CPS1: variants seen among roughly 807,000 people sequenced by gnomAD.
CPS1 encodes the protein carbamoyl-phosphate synthase 1.
A neutral mutation model predicts 174.6 loss-of-function variants in CPS1; 109 were observed. That is an observed-to-expected ratio of 0.62 (90% confidence interval 0.53 to 0.73). CPS1 has a LOEUF of 0.73. Among genes scored for constraint, CPS1 ranks in the 30% least tolerant of loss-of-function variants. The pLI is 0.00. For synonymous variants in CPS1, 637 were observed against 632.0 expected (o/e 1.01, Z -0.12); for missense variants, 1,689 against 1,821.9 (o/e 0.93, Z 1.33).
chr2:210,505,767 A>T (rs576450269), intron 1 of CPS1, among the ~76,000 whole-genome samples: 1 of 152,214 alleles, frequency 6.6e-6, no homozygotes, highest in Non-Finnish European at 1.5e-5. Flanking sequence ...GAAGGGTCCT[A>T]TGCCCACGGA....
chr2:210,669,634 G>A (rs1481832154), intron 34 of CPS1, among the ~76,000 whole-genome samples: 2 of 152,134 alleles, frequency 1.3e-5, no homozygotes, highest in East Asian at 1.9e-4. Context: ...CCAGAAGGAC[G>A]ACGGTGAATA....
chr2:210,662,018 C>T (rs1574656137), intron 32 of CPS1, among the ~76,000 whole-genome samples: 1 of 150,924 alleles, frequency 6.6e-6, no homozygotes, highest in East Asian at 2.0e-4. Context: ...CAATTCTCCC[C>T]CTCAGCCCCC....
chr2:210,500,650 C>T (rs1695114716), intron 1 of CPS1, among the ~76,000 whole-genome samples: 1 of 152,218 alleles, frequency 6.6e-6, no homozygotes, highest in Admixed American at 6.5e-5. Context: ...AGGAAGGCTC[C>T]CACATCCTTG....
rs764211867 is a variant in CPS1 at position 210,668,273 on chromosome 2, A to G, written c.4090A>G (p.Ile1364Val). Residue 1364 changes from isoleucine (I) to valine (V), a missense_variant, in exon 34 of 38, where the codon ATA (isoleucine) becomes GTA (valine). Coordinates refer to ENST00000233072, the MANE Select transcript of CPS1 (RefSeq NM_001875.5). ...GFKIPQKGIL[I>V]GIQQSFRPRF... ...TAAGATACCCCAGAAAGGCATCCTGATAGGCATCCAGGTAAGTGGTTTGTG... is the reference window on the plus strand; with the variant it reads ...TAAGATACCCCAGAAAGGCATCCTGGTAGGCATCCAGGTAAGTGGTTTGTG... 1.9e-6 allele frequency: 3 copies of G among 1,612,586 alleles called. No individual in the cohort carries two copies. The highest frequency in any genetic ancestry group is 2.2e-5 in the East Asian group (1 of 44,872).
chr2:210,652,616 A>G (rs1303242912), intron 28 of CPS1, among the ~76,000 whole-genome samples: 1 of 152,180 alleles, frequency 6.6e-6, no homozygotes, highest in Non-Finnish European at 1.5e-5. Flanking sequence ...AACACTGAGG[A>G]AGGAGAAAAG....
At chr2:210,554,143 A>G (rs6716485), upstream of CPS1, among the ~76,000 whole-genome samples, 3 of 133,104 alleles carry the variant, frequency 2.3e-5, no homozygotes, top group African/African-American at 5.2e-5. Context: ...ACATATATAT[A>G]TGTATATATA....
At chr2:210,609,657 A>G (rs1375482145) in intron 19 of CPS1, among the ~76,000 whole-genome samples, 1 of 151,824 alleles carries the variant, frequency 6.6e-6, no homozygotes, top group Non-Finnish European at 1.5e-5. Flanking sequence ...TCTCATCTCT[A>G]TTTCTGTTGT....
intron 1 of CPS1, among the ~76,000 whole-genome samples, chr2:210,498,525 A>G (rs1695061907): frequency 6.6e-6 from 1 of 152,136 alleles, no homozygotes; most frequent in Non-Finnish European, 1.5e-5. Context: ...AATCTTTACA[A>G]AGTTATTTAT....
chr2:210,516,094 A>C (rs751531846), intron 1 of CPS1, among the ~76,000 whole-genome samples: 1 of 151,786 alleles, frequency 6.6e-6, no homozygotes, highest in Non-Finnish European at 1.5e-5. Flanking sequence ...ATTTATTGAA[A>C]TTCAATAAAT....
intron 1 of CPS1, among the ~76,000 whole-genome samples, chr2:210,529,490 G>T (rs891474695): frequency 2.0e-5 from 3 of 151,922 alleles, no homozygotes; most frequent in Non-Finnish European, 4.4e-5. Flanking sequence ...ACCTTCTCTT[G>T]GTTGTTGGAC....
intron 33 of CPS1, among the ~76,000 whole-genome samples, chr2:210,664,038 TGAG>T (rs1701009920): frequency 6.6e-6 from 1 of 152,182 alleles, no homozygotes; most frequent in Non-Finnish European, 1.5e-5. Context: ...AGATCTGTGA[TGAG>T]AAGCCAAGTG....
intron 1 of CPS1, among the ~76,000 whole-genome samples, chr2:210,516,596 G>A (rs1052367275): frequency 6.6e-6 from 1 of 151,868 alleles, no homozygotes; most frequent in Non-Finnish European, 1.5e-5. Flanking sequence ...CAGTAGTTCT[G>A]TAGAGCCTTT....
chr2:210,651,661 C>T (rs571732767), intron 28 of CPS1, among the ~76,000 whole-genome samples: 2 of 152,064 alleles, frequency 1.3e-5, no homozygotes, highest in East Asian at 1.9e-4. Context: ...TTTCCTTTAG[C>T]GTATGGATAG....
intron 29 of CPS1, among the ~76,000 whole-genome samples, chr2:210,656,043 C>T (rs533807709): frequency 2.6e-5 from 4 of 152,112 alleles, no homozygotes; most frequent in African/African-American, 7.2e-5. Context: ...TTTTTCCTTT[C>T]GACTCCTTCC....
intron 21 of CPS1, among the ~76,000 whole-genome samples, chr2:210,630,129 G>T (rs1699824003): frequency 6.6e-6 from 1 of 150,916 alleles, no homozygotes; most frequent in Non-Finnish European, 1.5e-5. Context: ...AACAAAATGT[G>T]GTTTATTATG....
At position 210,639,955 on chromosome 2, in the gene CPS1, C is replaced by A. The variant is rs183756215; in HGVS notation, c.2896-41C>A. ...CTAGTTTAATTAAATGGAATAATAA[C>A]ACTTAATGATTTCTGCATCTTCCTT... On this transcript the variant is annotated intron_variant, in intron 23 of 37. Transcript: ENST00000233072. 55 of 1,371,638 alleles carry A rather than the reference C, an allele frequency of 4.0e-5. No individual in the cohort carries two copies. The African/African-American group carries it at 5.0e-4, about 12-fold the overall frequency. The allele number at this position is 1,371,638 out of a possible 1,614,324, so 85.0% of individuals were successfully genotyped here.
At chr2:210,616,322 C>G (rs765853863) in intron 20 of CPS1, 101 bp from the exon 21 acceptor site, 17 of 810,850 alleles carry the variant, frequency 2.1e-5, no homozygotes, top group Non-Finnish European at 2.2e-6. Flanking sequence ...GTCTCGGGCT[C>G]TCTAAATAAC....
intron 1 of CPS1, among the ~76,000 whole-genome samples, chr2:210,493,911 G>A (rs564008900): frequency 1.3e-5 from 2 of 152,286 alleles, no homozygotes; most frequent in East Asian, 1.9e-4. Flanking sequence ...GGTTAATAAA[G>A]CTGTCTGAAG....
At chr2:210,521,847 T>G (rs1188171351) in intron 1 of CPS1, among the ~76,000 whole-genome samples, 1 of 151,986 alleles carries the variant, frequency 6.6e-6, no homozygotes, top group East Asian at 1.9e-4. Context: ...GTAATTTTTA[T>G]TGGATGTCAG....
Sources: allele counts gnomAD v4.1 joint callset (sites outside exome capture counted in the v4.1 genomes callset), GRCh38; gene constraint gnomAD v4.1.1; transcripts MANE v1.5; gene names NCBI Gene and HGNC (gene_info 2026-07-23, HGNC 2026-07-21).